Variants in RGS7 observed in about 807,000 individuals in gnomAD.
The protein encoded by RGS7 is regulator of G-protein signaling 7.
Under a neutral mutation model 81.1 loss-of-function variants are expected in RGS7, and 27 were observed. The observed-to-expected ratio is 0.33, with a 90% CI of 0.25 to 0.46. The LOEUF (loss-of-function observed/expected upper bound fraction) is 0.46. RGS7 is among the 20% of genes least tolerant of loss of function. The pLI, the probability that RGS7 is intolerant of heterozygous loss-of-function variation, is 1.00. For synonymous variants in RGS7, 208 were observed against 207.7 expected, an observed-to-expected ratio of 1.00 and a Z score of -0.01; for missense variants, 396 against 607.4, an observed-to-expected ratio of 0.65 and a Z score of 3.66.
intron 10 of RGS7, chr1:240,822,904 G>T (rs565331299): frequency 1.8e-4 from 72 of 396,232 alleles, no homozygotes; most frequent in South Asian, 1.6e-3. Context: ...CCAAGATGAG[G>T]CTGGATAGTA....
At chr1:241,026,916 T>G (rs2059816267) in intron 3 of RGS7, among the ~76,000 whole-genome samples, 1 of 151,638 alleles carries the variant, frequency 6.6e-6, no homozygotes, top group South Asian at 2.1e-4. Flanking sequence ...GGAAAGGGTT[T>G]TGTACGCGTA....
intron 3 of RGS7, among the ~76,000 whole-genome samples, chr1:240,995,879 A>G (rs1006848902): frequency 1.3e-5 from 2 of 151,580 alleles, no homozygotes; most frequent in Non-Finnish European, 2.9e-5. Flanking sequence ...CTCTTCTTCT[A>G]TGTTCTAGAG....
At chr1:240,875,629 A>G (rs184618230) in intron 6 of RGS7, among the ~76,000 whole-genome samples, 1 of 152,328 alleles carries the variant, frequency 6.6e-6, no homozygotes, top group East Asian at 1.9e-4. Context: ...TAATGGCCGT[A>G]CTAATTTACA....
chr1:241,182,029 G>A (rs768128235), intron 2 of RGS7, among the ~76,000 whole-genome samples: 19 of 152,160 alleles, frequency 1.2e-4, no homozygotes, highest in Admixed American at 2.0e-4. Context: ...CATCAGTACC[G>A]TGCAGAGTCA....
rs1220035586 is a variant in RGS7 at position 241,333,749 on chromosome 1, TA to T, written c.78+21949del. Among the ~76,000 whole-genome samples, 3 of 152,232 alleles carry T rather than the reference TA, an allele frequency of 2.0e-5. No individual in the cohort carries two copies. The East Asian group carries it at 5.8e-4, about 29-fold the overall frequency. On this transcript the variant is annotated intron_variant, in intron 2 of 18. Transcript: ENST00000440928. Reference sequence around the variant, plus strand: ...TTTCATTAAGGATATTAAAACTATTTATATAGATAATATACTCTATTAGCAA... The same window carrying T: ...TTTCATTAAGGATATTAAAACTATTTTATAGATAATATACTCTATTAGCAA...
chr1:241,089,623 T>A (rs1341595296), intron 3 of RGS7, among the ~76,000 whole-genome samples: 1 of 152,094 alleles, frequency 6.6e-6, no homozygotes, highest in Non-Finnish European at 1.5e-5. Flanking sequence ...ATAACAAATA[T>A]AATAACTAAA....
intron 2 of RGS7, among the ~76,000 whole-genome samples, chr1:241,151,587 T>TTA (rs1553269641): frequency 6.7e-5 from 10 of 148,502 alleles, no homozygotes; most frequent in African/African-American, 2.5e-4. Context: ...TTTTTTTTTT[T>TTA]ACTTTAAGTT....
intron 3 of RGS7, among the ~76,000 whole-genome samples, chr1:241,094,240 C>A (rs2064093429): frequency 9.2e-6 from 1 of 108,126 alleles, no homozygotes; most frequent in Admixed American, 9.3e-5. Flanking sequence ...CATACATAAA[C>A]ACACACACAC....
intron 2 of RGS7, among the ~76,000 whole-genome samples, chr1:241,245,370 G>A (rs558489878): frequency 1.2e-4 from 17 of 146,828 alleles, no homozygotes; most frequent in Admixed American, 2.7e-4. Context: ...TGCTCCTGCC[G>A]TGTAAGTGTG....
At chr1:241,285,358 T>A (rs2078754555) in intron 2 of RGS7, among the ~76,000 whole-genome samples, 1 of 152,154 alleles carries the variant, frequency 6.6e-6, no homozygotes, top group African/African-American at 2.4e-5. Flanking sequence ...ATGTCCTGAG[T>A]CCCCAGCTAA....
chr1:241,036,623 A>G (rs1171884708), intron 3 of RGS7, among the ~76,000 whole-genome samples: 1 of 152,246 alleles, frequency 6.6e-6, no homozygotes, highest in African/African-American at 2.4e-5. Flanking sequence ...TTTTCTAATA[A>G]TCTTGTTAAA....
intron 3 of RGS7, among the ~76,000 whole-genome samples, chr1:240,986,021 T>C (rs1685613472): frequency 6.6e-6 from 1 of 151,962 alleles, no homozygotes. Flanking sequence ...GTTTTTCACA[T>C]ATAATGTATA....
chr1:240,933,070 G>A (rs1048448236), intron 5 of RGS7, among the ~76,000 whole-genome samples: 4 of 149,386 alleles, frequency 2.7e-5, no homozygotes, highest in South Asian at 2.1e-4. Flanking sequence ...TTTCAGTAGA[G>A]ACGGGGTTTC....
chr1:241,159,403 T>C (rs1166505476), intron 2 of RGS7, among the ~76,000 whole-genome samples: 1 of 152,150 alleles, frequency 6.6e-6, no homozygotes, highest in African/African-American at 2.4e-5. Context: ...CCTTTTCTCC[T>C]CTTTTTGAAA....
At chr1:241,046,080 G>T (rs1388055286) in intron 3 of RGS7, among the ~76,000 whole-genome samples, 1 of 151,892 alleles carries the variant, frequency 6.6e-6, no homozygotes, top group African/African-American at 2.4e-5. Context: ...GGGTTTTTTT[G>T]TTTGTTTGTT....
chr1:240,901,685 G>A (rs143511088), intron 6 of RGS7, among the ~76,000 whole-genome samples: 1 of 152,164 alleles, frequency 6.6e-6, no homozygotes, highest in East Asian at 1.9e-4. Context: ...ATGGCTTGAC[G>A]TTGAGGTCCT....
At chr1:241,052,289 C>A (rs1287131782) in intron 3 of RGS7, among the ~76,000 whole-genome samples, 1 of 152,092 alleles carries the variant, frequency 6.6e-6, no homozygotes, top group African/African-American at 2.4e-5. Flanking sequence ...CAGAAGGCTG[C>A]AAGCGATCAA....
intron 2 of RGS7, among the ~76,000 whole-genome samples, chr1:241,245,492 TAAAA>T (rs577538701): frequency 3.9e-5 from 5 of 128,764 alleles, no homozygotes; most frequent in African/African-American, 1.4e-4. Context: ...CTTTTCCTTA[TAAAA>T]AAAAAAAAAA....
intron 4 of RGS7, among the ~76,000 whole-genome samples, chr1:240,965,227 C>T (rs1469856902): frequency 6.6e-6 from 1 of 152,162 alleles, no homozygotes; most frequent in African/African-American, 2.4e-5. Context: ...TCATTAATTG[C>T]AGAATATAAT....
Sources: gnomAD v4.1 joint callset for allele counts (sites outside exome capture counted in the v4.1 genomes callset) on GRCh38, gnomAD v4.1.1 for gene constraint, MANE v1.5 for transcripts, NCBI Gene and HGNC (gene_info 2026-07-23, HGNC 2026-07-21) for gene names.